The following COL26A1 variants were observed in gnomAD, a reference collection of about 807,000 sequenced individuals.
COL26A1 encodes collagen alpha-1(XXVI) chain.
COL26A1 carries 41 observed loss-of-function variants against 59.3 expected under a neutral mutation model. The observed-to-expected ratio is 0.69, with a 90% confidence interval of 0.54 to 0.90. COL26A1 has a LOEUF of 0.90. COL26A1 is among the 40% of genes least tolerant of loss of function. COL26A1 has a pLI of 0.00. For synonymous variants in COL26A1, 266 were observed against 256.0 expected (o/e 1.04, Z -0.37); for missense variants, 612 against 602.3 (o/e 1.02, Z -0.17).
At chr7:101,431,148 G>A (rs896003990) in intron 2 of COL26A1, among the ~76,000 whole-genome samples, 1 of 152,172 alleles carries the variant, frequency 6.6e-6, no homozygotes, top group African/African-American at 2.4e-5. Flanking sequence ...GGCTAGACTT[G>A]TAGCACTATG....
chr7:101,450,394 A>G (rs995277995), intron 3 of COL26A1, among the ~76,000 whole-genome samples: 1 of 152,174 alleles, frequency 6.6e-6, no homozygotes, highest in Non-Finnish European at 1.5e-5. Context: ...CCCCTCTGGA[A>G]GATGAGCTGG....
chr7:101,371,499 A>AAT (rs1554402058), intron 1 of COL26A1, among the ~76,000 whole-genome samples: 12 of 150,474 alleles, frequency 8.0e-5, no homozygotes, highest in African/African-American at 2.9e-4. Context: ...AAAAAAAAAA[A>AAT]TTAAAAAATT....
At chr7:101,375,989 G>GAAAAA (rs35433251) in intron 1 of COL26A1, among the ~76,000 whole-genome samples, 1 of 122,792 alleles carries the variant, frequency 8.1e-6, no homozygotes, top group Non-Finnish European at 1.6e-5. Context: ...CCATCTCAAA[G>GAAAAA]AAAAAAAAAA....
At chr7:101,513,910 AAGAC>A (rs1794976053) in intron 3 of COL26A1, among the ~76,000 whole-genome samples, 1 of 152,216 alleles carries the variant, frequency 6.6e-6, no homozygotes, top group Admixed American at 6.5e-5. Flanking sequence ...CAAAATGAAA[AAGAC>A]AGAACAACCT....
intron 3 of COL26A1, among the ~76,000 whole-genome samples, chr7:101,504,970 A>G (rs891111599): frequency 1.3e-5 from 2 of 152,192 alleles, no homozygotes; most frequent in African/African-American, 4.8e-5. Context: ...CCTGACCAAT[A>G]TGGTGAGACC....
At chr7:101,532,005 G>C (rs953569937) in intron 3 of COL26A1, among the ~76,000 whole-genome samples, 1 of 152,058 alleles carries the variant, frequency 6.6e-6, no homozygotes, top group African/African-American at 2.4e-5. Context: ...AACAGTGATG[G>C]GGATGTGCAG....
chr7:101,517,798 ATTTTTTTTTTTTTTTTTT>A (rs869245512), intron 3 of COL26A1, among the ~76,000 whole-genome samples: 3 of 76,892 alleles, frequency 3.9e-5, no homozygotes, highest in East Asian at 4.6e-4. Context: ...TTCTCCCCGC[ATTTTTTTTTTTTTTTTTT>A]TTTTTTTTTT....
chr7:101,549,907 C>T (rs17135624), intron 9 of COL26A1, among the ~76,000 whole-genome samples: 2,511 of 152,240 alleles, frequency 0.016, 65 homozygotes, highest in African/African-American at 0.058. Context: ...CATGGGGAGG[C>T]GGCACCCCAA....
Position 101,547,184 on chromosome 7 carries a change from C to T in COL26A1, c.885C>T (p.Ile295=), listed in dbSNP as rs760029839. The change falls in exon 8 of 13, where the codon ATC becomes ATT. Residue 295 remains isoleucine, a synonymous_variant. Coordinates refer to ENST00000313669, the MANE Select transcript of COL26A1 (RefSeq NM_001278563.3). The part of the protein sequence containing the change: ...DNGDSRLASA[I]VDTVLAGVPG... Reference sequence around the variant, plus strand: ...GAGACTCAAGGCTGGCCTCTGCCATCGTGGACACAGTGCTGGCAGGTGTCC... The same window carrying T: ...GAGACTCAAGGCTGGCCTCTGCCATTGTGGACACAGTGCTGGCAGGTGTCC... 27 of 1,598,764 alleles carry T rather than the reference C, an allele frequency of 1.7e-5. No individual in the cohort carries two copies. Among genetic ancestry groups the T allele is most frequent in the South Asian group, 4.6e-5 (4 of 87,770 alleles).
intron 2 of COL26A1, among the ~76,000 whole-genome samples, chr7:101,425,980 C>T (rs1445138630): frequency 1.3e-5 from 2 of 151,778 alleles, no homozygotes; most frequent in Non-Finnish European, 1.5e-5. Flanking sequence ...GTGTGTGCCA[C>T]CACACCTGGC....
At chr7:101,523,584 C>T (rs112619356) in intron 3 of COL26A1, among the ~76,000 whole-genome samples, 10,614 of 152,122 alleles carry the variant, frequency 0.07, 740 homozygotes, top group African/African-American at 0.18. Context: ...GATTCTTTTA[C>T]TTTTCTTTTT....
rs1298798175 is a variant in COL26A1 at position 101,553,269 on chromosome 7, G to A, written c.1030-57G>A. 4 of 1,515,846 alleles carry A rather than the reference G, an allele frequency of 2.6e-6. No homozygotes were observed. In the East Asian group the frequency reaches 9.0e-5, roughly 34 times the overall value. 93.9% of individuals were successfully genotyped at this position (1,515,846 alleles called of 1,614,324 possible). Reference sequence around the variant, plus strand: ...TGCAGGCCCCCAGGGAACTGGAGAGGGTGGAGAGGTGCCCCCACCTCCCGT... The same window carrying A: ...TGCAGGCCCCCAGGGAACTGGAGAGAGTGGAGAGGTGCCCCCACCTCCCGT... On this transcript the variant is annotated intron_variant, in intron 10 of 12. Coordinates refer to ENST00000313669, the MANE Select transcript of COL26A1 (RefSeq NM_001278563.3).
At position 101,519,869 on chromosome 7, in the gene COL26A1, C is replaced by T. The variant is rs114463435; in HGVS notation, c.386-13213C>T. On this transcript the variant is annotated intron_variant, in intron 3 of 12. Coordinates refer to ENST00000313669, the MANE Select transcript of COL26A1 (RefSeq NM_001278563.3). ...TGAGAGCAGATGGATCACATCACCG[C>T]GGCTCATTCTCAAGCTTCCATGGTG... is the stretch of plus-strand genomic sequence containing the variant. Among the ~76,000 whole-genome samples the T allele has an allele frequency of 8.2e-3, 1,249 of 152,254 alleles. 16 individuals are homozygous for T. The highest frequency in any genetic ancestry group is 0.029 in the African/African-American group (1,185 of 41,536).
chr7:101,490,257 G>C (rs1372786904), intron 3 of COL26A1, among the ~76,000 whole-genome samples: 5 of 151,930 alleles, frequency 3.3e-5, no homozygotes, highest in Admixed American at 2.0e-4. Flanking sequence ...TTTAAGTAGA[G>C]ACAAAGTCTC....
chr7:101,426,823 C>T (rs4729707), intron 2 of COL26A1, among the ~76,000 whole-genome samples: 67,559 of 151,980 alleles, frequency 0.44, 16,732 homozygotes, highest in Admixed American at 0.57. Context: ...GGTCCCAGCA[C>T]GTCAGCCGAG....
intron 2 of COL26A1, among the ~76,000 whole-genome samples, chr7:101,420,309 G>T (rs943671951): frequency 6.6e-6 from 1 of 151,686 alleles, no homozygotes; most frequent in Non-Finnish European, 1.5e-5. Context: ...TGCTCCTACC[G>T]CAACAGAACC....
intron 3 of COL26A1, among the ~76,000 whole-genome samples, chr7:101,488,586 G>A (rs754284473): frequency 1.3e-5 from 2 of 151,684 alleles, no homozygotes; most frequent in Non-Finnish European, 2.9e-5. Flanking sequence ...ATGTTAGCCA[G>A]GCTGGTCTCG....
chr7:101,473,737 C>A (rs1793967447), intron 3 of COL26A1, among the ~76,000 whole-genome samples: 1 of 151,686 alleles, frequency 6.6e-6, no homozygotes, highest in African/African-American at 2.4e-5. Context: ...CCTGTAGTCC[C>A]AGCTACTTGG....
intron 3 of COL26A1, among the ~76,000 whole-genome samples, chr7:101,509,354 G>A (rs546069071): frequency 1.4e-4 from 22 of 152,216 alleles, no homozygotes; most frequent in African/African-American, 4.8e-4. Flanking sequence ...GCTGAGGCAG[G>A]AGAATAGCTT....
Sources: allele counts gnomAD v4.1 joint callset (sites outside exome capture counted in the v4.1 genomes callset), GRCh38; gene constraint gnomAD v4.1.1; transcripts MANE v1.5; gene names NCBI Gene and HGNC (gene_info 2026-07-23, HGNC 2026-07-21).